The following REDIC1 variants were observed in gnomAD, a reference collection of about 807,000 sequenced individuals.
REDIC1 encodes the protein HEI10 Interacting Protein 1.
At chr12:39,690,673 T>C in the REDIC1 span, among the ~76,000 whole-genome samples, 1 of 151,932 alleles carries the variant, frequency 6.6e-6, no homozygotes, top group Non-Finnish European at 1.5e-5. Context: ...TAATAAAGGT[T>C]GAAAGCAAAC....
the REDIC1 span, among the ~76,000 whole-genome samples, chr12:39,797,745 C>T: frequency 3.6e-4 from 52 of 144,232 alleles, no homozygotes; most frequent in African/African-American, 1.0e-3. Context: ...CACACACACA[C>T]ACACACACAC....
At chr12:39,626,471 G>T in the REDIC1 span, 1 of 1,380,838 alleles carries the variant, frequency 7.2e-7, no homozygotes, top group Non-Finnish European at 1.0e-6. Context: ...GTAGGAAAGG[G>T]TCTTTTTATT....
chr12:39,682,646 C>T, the REDIC1 span: 9 of 1,602,012 alleles, frequency 5.6e-6, no homozygotes, highest in Admixed American at 3.5e-5. Flanking sequence ...AAAAGCCCTG[C>T]TGTAATTATG....
the REDIC1 span, among the ~76,000 whole-genome samples, chr12:39,704,410 A>G: frequency 6.6e-6 from 1 of 152,166 alleles, no homozygotes; most frequent in Admixed American, 6.5e-5. Context: ...ATCATTAAAA[A>G]GTCAGGAAAC....
the REDIC1 span, among the ~76,000 whole-genome samples, chr12:39,642,524 C>G: frequency 6.6e-6 from 1 of 151,634 alleles, no homozygotes; most frequent in Non-Finnish European, 1.5e-5. Flanking sequence ...TTATTTGTGT[C>G]ATCATCTCCC....
At chr12:39,721,078 A>G in the REDIC1 span, 1,792 of 1,613,706 alleles carry the variant, frequency 1.1e-3, 1 homozygote, top group Non-Finnish European at 1.3e-3. Flanking sequence ...TGATGCAGGG[A>G]TACAAACAGA....
chr12:39,853,761 C>T, the REDIC1 span, among the ~76,000 whole-genome samples: 1 of 152,036 alleles, frequency 6.6e-6, no homozygotes, highest in Admixed American at 6.6e-5. Flanking sequence ...GAAAATAATC[C>T]CATAATCTAT....
At chr12:39,676,040 T>A in the REDIC1 span, among the ~76,000 whole-genome samples, 2 of 151,874 alleles carry the variant, frequency 1.3e-5, no homozygotes, top group Non-Finnish European at 2.9e-5. Flanking sequence ...ACAAAACAAG[T>A]TTCCGTAACA....
chr12:39,860,071 G>T, the REDIC1 span, among the ~76,000 whole-genome samples: 2 of 152,152 alleles, frequency 1.3e-5, no homozygotes, highest in Admixed American at 6.5e-5. Flanking sequence ...TTGTGTCGTT[G>T]GTTTCATATT....
chr12:39,715,387 T>C, the REDIC1 span, among the ~76,000 whole-genome samples: 1 of 151,960 alleles, frequency 6.6e-6, no homozygotes, highest in Non-Finnish European at 1.5e-5. Context: ...TTGGGTTTAT[T>C]TCCGGGTTCT....
the REDIC1 span, chr12:39,759,029 A>G: frequency 2.4e-4 from 37 of 152,518 alleles, no homozygotes; most frequent in African/African-American, 8.2e-4. Context: ...TTCAAAAATT[A>G]TTGTTTGAAT....
At chr12:39,698,894 A>C in the REDIC1 span, among the ~76,000 whole-genome samples, 2 of 152,170 alleles carry the variant, frequency 1.3e-5, no homozygotes, top group Non-Finnish European at 2.9e-5. Context: ...AAGAAGAAAA[A>C]CCACAAATAA....
At chr12:39,876,600 A>G in the REDIC1 span, among the ~76,000 whole-genome samples, 1 of 152,212 alleles carries the variant, frequency 6.6e-6, no homozygotes, top group Non-Finnish European at 1.5e-5. Context: ...GAGGTAGAAC[A>G]TGAAGATAAT....
At chr12:39,643,961 A>C in the REDIC1 span, 2 of 1,376,952 alleles carry the variant, frequency 1.5e-6, no homozygotes, top group Non-Finnish European at 2.0e-6. Flanking sequence ...TGATGTGATC[A>C]TAATAATGTT....
At chr12:39,750,096 T>A in the REDIC1 span, among the ~76,000 whole-genome samples, 1 of 151,806 alleles carries the variant, frequency 6.6e-6, no homozygotes. Context: ...AGAAATAAAG[T>A]GTATTCAATT....
the REDIC1 span, among the ~76,000 whole-genome samples, chr12:39,650,959 T>C: frequency 6.6e-6 from 1 of 152,222 alleles, no homozygotes; most frequent in Non-Finnish European, 1.5e-5. The surrounding 1 kb of genome is among the most constrained non-coding windows in gnomAD (Gnocchi z 4.3). Context: ...TTTGTGGTAG[T>C]TGAATAGAAT....
At chr12:39,696,407 G>C in the REDIC1 span, among the ~76,000 whole-genome samples, 3 of 149,734 alleles carry the variant, frequency 2.0e-5, no homozygotes, top group African/African-American at 7.3e-5. Flanking sequence ...GCCGGGCGTA[G>C]TGGCGGGCGC....
chr12:39,675,317 G>A, the REDIC1 span, among the ~76,000 whole-genome samples: 1 of 152,030 alleles, frequency 6.6e-6, no homozygotes, highest in Non-Finnish European at 1.5e-5. Flanking sequence ...GCCCTTACCT[G>A]ATTTTTTTTT....
the REDIC1 span, among the ~76,000 whole-genome samples, chr12:39,856,518 G>GCA: frequency 6.6e-6 from 1 of 152,078 alleles, no homozygotes; most frequent in Admixed American, 6.5e-5. Context: ...ACAGGCGCAT[G>GCA]CCACCATGCC....
Sources: allele counts gnomAD v4.1 joint callset (sites outside exome capture counted in the v4.1 genomes callset), GRCh38; gene constraint gnomAD v4.1.1; non-coding constraint Gnocchi (gnomAD v3.1); transcripts MANE v1.5; gene names NCBI Gene and HGNC (gene_info 2026-07-23, HGNC 2026-07-21).